Variants in EDA observed in about 807,000 individuals in gnomAD.
EDA encodes ectodysplasin A.
EDA carries 2 observed loss-of-function variants against 23.6 expected under a neutral mutation model. That is an observed-to-expected ratio of 0.08 (90% CI 0.03 to 0.27). The LOEUF is 0.27. Among genes scored for constraint, EDA ranks in the 10% least tolerant of loss-of-function variants. The probability of loss-of-function intolerance (pLI) is 1.00; values close to 1 mark genes in which losing one functional copy is unlikely to be tolerated. For missense variants in EDA, 229 were observed against 324.2 expected (o/e 0.71, Z 2.26); for synonymous variants, 131 against 132.0 (o/e 0.99, Z 0.05).
intron 1 of EDA, among the ~76,000 whole-genome samples, chrX:69,929,094 T>C (rs181762702): frequency 2.6e-4 from 29 of 111,810 alleles, no homozygotes; most frequent in African/African-American, 8.8e-4. Flanking sequence ...AAGCATGATA[T>C]GGCAGCACTT....
intron 1 of EDA, among the ~76,000 whole-genome samples, chrX:69,753,648 C>T (rs1050778094): frequency 1.2e-4 from 13 of 109,989 alleles, no homozygotes; most frequent in African/African-American, 3.3e-4. Context: ...CTTTCTGTCT[C>T]GATCTGTTTA....
At chrX:69,955,827 T>C (rs748350633) in intron 1 of EDA, among the ~76,000 whole-genome samples, 5 of 111,975 alleles carry the variant, frequency 4.5e-5, no homozygotes, top group Admixed American at 1.9e-4. Context: ...AGCTAGTAAG[T>C]GGCAGAGTTG....
intron 2 of EDA, among the ~76,000 whole-genome samples, chrX:70,010,306 A>G (rs2019858424): frequency 8.9e-6 from 1 of 112,347 alleles, no homozygotes; most frequent in African/African-American, 3.2e-5. Context: ...CATACATTAA[A>G]GATTGTTATG....
rs771247477 is a variant in EDA at position 70,033,449 on chromosome X, A to G, written c.845A>G (p.Lys282Arg). Residue 282 changes from lysine (K) to arginine (R), a missense_variant, in exon 7 of 8, where the codon AAG becomes AGG. By Grantham distance (26) the Lys-to-Arg change is conservative (BLOSUM62 2). Around this residue, in one of 2 missense-constraint regions of EDA, gnomAD observed 175 missense variants for 281.8 expected, o/e 0.62. Coordinates refer to ENST00000374552, the MANE Select transcript of EDA (RefSeq NM_001399.5). ...TGGTCTCGCATCACTATGAACCCCAAGGTGTTTAAGCTACATCCCCGCAGC... is the reference window on the plus strand; with the variant it reads ...TGGTCTCGCATCACTATGAACCCCAGGGTGTTTAAGCTACATCCCCGCAGC... ...NDWSRITMNP[K>R]VFKLHPRSGE... is the part of the protein sequence containing the mutation. 3.3e-6 allele frequency: 4 copies of G among 1,211,837 alleles called. No homozygotes were observed. The East Asian group carries it at 8.9e-5, about 27-fold the overall frequency.
chrX:69,830,576 AAAAAG>A (rs2016584385), intron 1 of EDA, among the ~76,000 whole-genome samples: 1 of 112,220 alleles, frequency 8.9e-6, no homozygotes, highest in African/African-American at 3.2e-5. Flanking sequence ...GAAAATCAAA[AAAAAG>A]AAATTTATGG....
chrX:69,679,513 A>T (rs745368605), intron 1 of EDA, among the ~76,000 whole-genome samples: 8 of 111,644 alleles, frequency 7.2e-5, no homozygotes, highest in African/African-American at 2.3e-4. Flanking sequence ...TTATTGGTCT[A>T]TTCAGAGATT....
intron 1 of EDA, among the ~76,000 whole-genome samples, chrX:69,829,372 G>C (rs1459660799): frequency 8.9e-6 from 1 of 111,986 alleles, no homozygotes; most frequent in Non-Finnish European, 1.9e-5. Context: ...GGATGTCCAA[G>C]GTTGATAATC....
At chrX:69,857,692 T>A (rs1411426765) in intron 1 of EDA, among the ~76,000 whole-genome samples, 2 of 111,073 alleles carry the variant, frequency 1.8e-5, no homozygotes, top group African/African-American at 6.5e-5. Context: ...ATTGGATGTG[T>A]TTCCATTTTG....
intron 1 of EDA, among the ~76,000 whole-genome samples, chrX:69,701,626 G>A (rs985760866): frequency 2.7e-5 from 3 of 111,832 alleles, no homozygotes; most frequent in Non-Finnish European, 5.6e-5. Flanking sequence ...GCCAGATATC[G>A]GGGGTGGATT....
At chrX:69,648,267 A>G (rs1267016600) in intron 1 of EDA, among the ~76,000 whole-genome samples, 1 of 111,677 alleles carries the variant, frequency 9.0e-6, no homozygotes, top group Non-Finnish European at 1.9e-5. Flanking sequence ...AACCACCTGT[A>G]TTCTTAACAG....
At chrX:69,685,155 C>T (rs1208308271) in intron 1 of EDA, among the ~76,000 whole-genome samples, 1 of 111,586 alleles carries the variant, frequency 9.0e-6, no homozygotes, top group Non-Finnish European at 1.9e-5. Flanking sequence ...AGGGAGAGAT[C>T]GAGAGCCAAG....
At chrX:69,880,698 ATT>A (rs2017731959) in intron 1 of EDA, among the ~76,000 whole-genome samples, 1 of 112,281 alleles carries the variant, frequency 8.9e-6, no homozygotes, top group Non-Finnish European at 1.9e-5. Flanking sequence ...AAATAGCTAT[ATT>A]AGCATGGATC....
At chrX:69,826,322 G>A (rs1334812982) in intron 1 of EDA, among the ~76,000 whole-genome samples, 1 of 110,060 alleles carries the variant, frequency 9.1e-6, no homozygotes, top group Non-Finnish European at 1.9e-5. Flanking sequence ...CATTATTAAT[G>A]TGTGGGAGTC....
At chrX:69,671,124 A>G (rs540145521) in intron 1 of EDA, among the ~76,000 whole-genome samples, 3 of 111,675 alleles carry the variant, frequency 2.7e-5, no homozygotes, top group African/African-American at 6.5e-5. Flanking sequence ...TGAGCAGACT[A>G]TGGTGACTCT....
intron 1 of EDA, among the ~76,000 whole-genome samples, chrX:69,676,496 G>C (rs192633754): frequency 1.4e-3 from 155 of 109,196 alleles, no homozygotes; most frequent in Non-Finnish European, 1.9e-3. Context: ...GTGTGTGTGT[G>C]TGTGTGCGCG....
intron 1 of EDA, among the ~76,000 whole-genome samples, chrX:69,912,229 A>T (rs1009228800): frequency 1.8e-5 from 2 of 111,963 alleles, no homozygotes; most frequent in Admixed American, 9.5e-5. Context: ...CCACATTTGC[A>T]GTTACTTCCT....
chrX:69,981,556 T>C (rs2019407970), intron 2 of EDA, among the ~76,000 whole-genome samples: 1 of 111,183 alleles, frequency 9.0e-6, no homozygotes, highest in Non-Finnish European at 1.9e-5. Flanking sequence ...AGGGGTTAAA[T>C]TGAAGGCATG....
At chrX:70,035,256 C>T in intron 7 of EDA, 102 bp from the exon 8 acceptor site, 1 of 994,599 alleles carries the variant, frequency 1.0e-6, no homozygotes. Context: ...ATGGGGTATA[C>T]TAACAGCTCA....
Position 70,035,952 on chromosome X carries a change from G to T in EDA, c.*343G>T, listed in dbSNP as rs2020262260. On this transcript the variant is annotated 3_prime_UTR_variant, in exon 8 of 8. Transcript: ENST00000374552. Reference sequence around the variant, plus strand: ...CTAAAATGAGGATCCAGGGCAGCAGGCCAGAGAAAGCAAAGGTGCACTCCA... The same window carrying T: ...CTAAAATGAGGATCCAGGGCAGCAGTCCAGAGAAAGCAAAGGTGCACTCCA... 1 of 274,441 alleles carries T rather than the reference G, an allele frequency of 3.6e-6. No homozygotes were observed. Among genetic ancestry groups the T allele is most frequent in the Non-Finnish European group, 6.4e-6 (1 of 156,198 alleles). The allele number at this position is 274,441 out of a possible 1,213,427, so 22.6% of individuals were successfully genotyped here.
Sources: allele counts gnomAD v4.1 joint callset (sites outside exome capture counted in the v4.1 genomes callset), GRCh38; gene constraint gnomAD v4.1.1; regional missense constraint gnomAD v4.1.1; transcripts MANE v1.5; gene names NCBI Gene and HGNC (gene_info 2026-07-23, HGNC 2026-07-21).